STIM2: variants seen among roughly 807,000 people sequenced by gnomAD.
The protein encoded by STIM2 is stromal interaction molecule 2.
STIM2 carries 31 observed loss-of-function variants against 85.8 expected under a neutral mutation model. The observed-to-expected ratio is 0.36, with a 90% CI of 0.27 to 0.49. STIM2 has a LOEUF of 0.49. STIM2 is among the 20% of genes least tolerant of loss of function. The pLI is 0.98. For synonymous variants in STIM2, 356 were observed against 331.1 expected, an observed-to-expected ratio of 1.08 and a Z score of -0.82; for missense variants, 841 against 927.6, an observed-to-expected ratio of 0.91 and a Z score of 1.21.
At chr4:26,888,453 A>G (rs906420735) in intron 1 of STIM2, among the ~76,000 whole-genome samples, 1 of 152,240 alleles carries the variant, frequency 6.6e-6, no homozygotes, top group Admixed American at 6.5e-5. Flanking sequence ...AAAGGGATTA[A>G]AGAGCAAGAA....
intron 8 of STIM2, 143 bp from the exon 9 acceptor site, chr4:27,008,285 A>G (rs1435644378): frequency 1.9e-6 from 1 of 533,164 alleles, no homozygotes; most frequent in Admixed American, 3.7e-5. Flanking sequence ...TTTGGAATGC[A>G]GGGATATCTT....
chr4:26,919,566 C>G lies in STIM2; in HGVS notation c.214C>G (p.Leu72Val). ...AGAAGACAGATTTAGTCTGGAAGCT[C>G]TTCAAACAATACATAAACAAATGGA... is the stretch of plus-strand genomic sequence containing the variant. The change falls in exon 2 of 12, where the codon CTT (leucine) becomes GTT (valine). Residue 72 changes from leucine to valine, a missense_variant. Around this residue, in one of 3 missense-constraint regions of STIM2, gnomAD observed 140 missense variants for 117.7 expected, o/e 1.19. Coordinates refer to ENST00000467087, the MANE Select transcript of STIM2 (RefSeq NM_020860.4). 1.2e-6 allele frequency: 2 copies of G among 1,613,648 alleles called. No individual in the cohort carries two copies. Among genetic ancestry groups the G allele is most frequent in the South Asian group, 1.1e-5 (1 of 91,064 alleles).
chr4:26,976,142 G>A (rs909719168), intron 3 of STIM2, among the ~76,000 whole-genome samples: 1 of 152,100 alleles, frequency 6.6e-6, no homozygotes, highest in African/African-American at 2.4e-5. Flanking sequence ...CGATTTTCCA[G>A]GTAGTCTGTC....
intron 1 of STIM2, among the ~76,000 whole-genome samples, chr4:26,896,088 CTTG>C (rs1389621183): frequency 1.3e-5 from 2 of 152,142 alleles, no homozygotes; most frequent in Non-Finnish European, 2.9e-5. Context: ...AATTGAGTTC[CTTG>C]TTGTAGTACT....
intron 5 of STIM2, among the ~76,000 whole-genome samples, chr4:26,999,656 A>G (rs915800300): frequency 1.3e-5 from 2 of 152,206 alleles, no homozygotes; most frequent in Non-Finnish European, 2.9e-5. Context: ...TGATGTTACT[A>G]TAATTGGATA....
At chr4:27,006,116 T>C (rs2109134867) in intron 7 of STIM2, among the ~76,000 whole-genome samples, 1 of 152,322 alleles carries the variant, frequency 6.6e-6, no homozygotes, top group East Asian at 1.9e-4. Context: ...CCATTGCAGT[T>C]AGTTATGTAG....
At chr4:26,933,754 A>G (rs76067204) in intron 2 of STIM2, among the ~76,000 whole-genome samples, 55 of 151,322 alleles carry the variant, frequency 3.6e-4, no homozygotes, top group African/African-American at 1.3e-3. Context: ...AAAAAAAAAA[A>G]ACAAGAAAAA....
At chr4:26,861,941 T>A (rs561723256) in intron 1 of STIM2, among the ~76,000 whole-genome samples, 7 of 152,254 alleles carry the variant, frequency 4.6e-5, no homozygotes, top group Admixed American at 4.6e-4. Context: ...AGTGCATTTT[T>A]TGCGGGGTGG....
At chr4:26,942,679 T>A (rs1665986117) in intron 2 of STIM2, among the ~76,000 whole-genome samples, 4 of 152,166 alleles carry the variant, frequency 2.6e-5, no homozygotes, top group South Asian at 2.1e-4. Flanking sequence ...AGCAATTTTT[T>A]AAAAAACTTG....
At chr4:26,867,024 G>A (rs1722434473) in intron 1 of STIM2, among the ~76,000 whole-genome samples, 1 of 152,102 alleles carries the variant, frequency 6.6e-6, no homozygotes, top group Non-Finnish European at 1.5e-5. Flanking sequence ...ATTCTGGGTG[G>A]ATGGCAATGA....
chr4:26,878,679 A>G (rs780607640), intron 1 of STIM2, among the ~76,000 whole-genome samples: 2 of 152,202 alleles, frequency 1.3e-5, no homozygotes, highest in Non-Finnish European at 2.9e-5. Flanking sequence ...TCACACTGCT[A>G]TAAAGATACT....
intron 3 of STIM2, among the ~76,000 whole-genome samples, chr4:26,994,385 G>A (rs1012550): frequency 0.56 from 85,174 of 151,740 alleles, 25,615 homozygotes; most frequent in Non-Finnish European, 0.66. Flanking sequence ...TTTCATCAGC[G>A]CATCTTAATA....
chr4:27,020,882 C>A, intron 11 of STIM2: 2 of 857,404 alleles, frequency 2.3e-6, no homozygotes, highest in Non-Finnish European at 3.7e-6. Context: ...ATCATATGTG[C>A]TCTTGCCTTT....
chr4:26,916,750 T>C (rs1460481432), intron 1 of STIM2, among the ~76,000 whole-genome samples: 2 of 152,126 alleles, frequency 1.3e-5, no homozygotes, highest in Admixed American at 1.3e-4. Context: ...GTTTTTTTTT[T>C]TATGTCACTG....
intron 1 of STIM2, among the ~76,000 whole-genome samples, chr4:26,903,489 T>C (rs1724003879): frequency 6.6e-6 from 1 of 152,212 alleles, no homozygotes; most frequent in Non-Finnish European, 1.5e-5. Context: ...AAGTACTCTT[T>C]TACTTATTTG....
At chr4:26,916,084 T>G (rs959049521) in intron 1 of STIM2, among the ~76,000 whole-genome samples, 4 of 152,246 alleles carry the variant, frequency 2.6e-5, no homozygotes, top group Non-Finnish European at 5.9e-5. Context: ...TAGCAGGTTG[T>G]ATATTTTAAA....
At chr4:26,878,309 A>G (rs564638940) in intron 1 of STIM2, among the ~76,000 whole-genome samples, 2 of 152,046 alleles carry the variant, frequency 1.3e-5, no homozygotes, top group East Asian at 1.9e-4. Flanking sequence ...TTCCCCTCCC[A>G]TGGCAGCCAA....
chr4:26,968,040 A>T (rs1237707902), intron 3 of STIM2, among the ~76,000 whole-genome samples: 8 of 152,158 alleles, frequency 5.3e-5, no homozygotes, highest in Admixed American at 5.2e-4. Flanking sequence ...TCTTGGTAGT[A>T]TGCACCTGTG....
chr4:27,017,959 A>G lies in STIM2; in HGVS notation c.1738A>G (p.Ile580Val). 3 of 1,614,050 alleles carry G rather than the reference A, an allele frequency of 1.9e-6. No individual in the cohort carries two copies. The highest frequency in any genetic ancestry group is 2.5e-6 in the Non-Finnish European group (3 of 1,180,008). ...TCGAAATGAAGAGGAGGAAGAGGCCATTTACTTCTCTGCTGAAAAGCAATG... is the reference window on the plus strand; with the variant it reads ...TCGAAATGAAGAGGAGGAAGAGGCCGTTTACTTCTCTGCTGAAAAGCAATG... Residue 580 changes from isoleucine to valine, a missense_variant, in exon 11 of 12, where the codon ATT (isoleucine) becomes GTT (valine). Coordinates refer to ENST00000467087, the MANE Select transcript of STIM2 (RefSeq NM_020860.4).
Sources: gnomAD v4.1 joint callset for allele counts (sites outside exome capture counted in the v4.1 genomes callset) on GRCh38, gnomAD v4.1.1 for gene constraint, gnomAD v4.1.1 regional missense constraint, MANE v1.5 for transcripts, NCBI Gene and HGNC (gene_info 2026-07-23, HGNC 2026-07-21) for gene names.